The following FCHSD2 variants were observed in gnomAD, a reference collection of about 807,000 sequenced individuals.
The protein encoded by FCHSD2 is F-BAR and double SH3 domains protein 2.
A neutral mutation model predicts 108.1 loss-of-function variants in FCHSD2; 38 were observed. The observed-to-expected ratio is 0.35, with a 90% CI of 0.27 to 0.46. The LOEUF (loss-of-function observed/expected upper bound fraction) is 0.46. Ranked by LOEUF, FCHSD2 falls within the 20% of genes least tolerant of loss-of-function variation. FCHSD2 has a pLI of 1.00. For missense variants in FCHSD2, 751 were observed against 897.8 expected, an observed-to-expected ratio of 0.84 and a Z score of 2.09; for synonymous variants, 279 against 314.7, an observed-to-expected ratio of 0.89 and a Z score of 1.20.
chr11:72,884,178 TC>T (rs1369600630), intron 12 of FCHSD2, among the ~76,000 whole-genome samples: 1 of 152,106 alleles, frequency 6.6e-6, no homozygotes, highest in African/African-American at 2.4e-5. Flanking sequence ...ACGAACTATT[TC>T]TGCCTAAAAC....
intron 2 of FCHSD2, among the ~76,000 whole-genome samples, chr11:73,096,987 A>ATTTTTTTTTTTTTTTT (rs60223064): frequency 0.013 from 354 of 27,044 alleles, 136 homozygotes; most frequent in Middle Eastern, 0.045. Flanking sequence ...TCATTGATGG[A>ATTTTTTTTTTTTTTTT]TTTTTTTTTT....
At chr11:73,007,167 G>A (rs1565365282) in intron 4 of FCHSD2, among the ~76,000 whole-genome samples, 1 of 151,968 alleles carries the variant, frequency 6.6e-6, no homozygotes, top group Non-Finnish European at 1.5e-5. Context: ...TATTCTAACT[G>A]AAAAATACTT....
chr11:73,132,314 T>G lies in FCHSD2; in HGVS notation c.119+7717A>C, dbSNP rs114215734. On this transcript the variant is annotated intron_variant, in intron 2 of 19. Coordinates refer to ENST00000409418, the MANE Select transcript of FCHSD2 (RefSeq NM_014824.3). ...ACCAATGCTAAATACCTACCATTCT[T>G]GGCATTTCACCTGTCTCATTTTACT... 3.6e-3 allele frequency among the ~76,000 whole-genome samples: 548 copies of G among 152,352 alleles called. 2 individuals are homozygous for G. Among genetic ancestry groups the G allele is most frequent in the African/African-American group, 0.013 (520 of 41,586 alleles).
At chr11:72,958,707 T>C (rs907931605) in intron 8 of FCHSD2, among the ~76,000 whole-genome samples, 8 of 152,148 alleles carry the variant, frequency 5.3e-5, no homozygotes, top group African/African-American at 1.9e-4. Flanking sequence ...AGGTCTCTTA[T>C]CTCCTTCCCA....
intron 10 of FCHSD2, among the ~76,000 whole-genome samples, chr11:72,890,307 T>C (rs1252053298): frequency 3.3e-5 from 5 of 152,178 alleles, no homozygotes; most frequent in South Asian, 2.1e-4. Context: ...GATAAAATCA[T>C]TGCATAAATA....
intron 12 of FCHSD2, among the ~76,000 whole-genome samples, chr11:72,880,899 CAACA>C (rs1252773918): frequency 1.3e-5 from 2 of 148,772 alleles, no homozygotes; most frequent in Non-Finnish European, 3.0e-5. Flanking sequence ...ACAACAACAA[CAACA>C]AACAAACACC....
Position 72,842,639 on chromosome 11 carries a change from T to C in FCHSD2, c.1908A>G (p.Pro636=), listed in dbSNP as rs775282196. 5 of 1,613,926 alleles carry C rather than the reference T, an allele frequency of 3.1e-6. No homozygotes were observed. The highest frequency in any genetic ancestry group is 3.4e-6 in the Non-Finnish European group (4 of 1,179,912). ...ELSASENGDT[P]WMREIQISPS... is the part of the protein sequence containing the mutation. ...CAGGTACCTGAATCTCTCTCATCCA[T>C]GGAGTGTCACCATTTTCTGAGGCTG... Residue 636 remains proline, a synonymous_variant, in exon 17 of 20, where the codon CCA becomes CCG. Transcript: ENST00000409418.
At chr11:73,000,906 A>C in intron 5 of FCHSD2, 84 bp downstream of exon 5, 1 of 1,229,934 alleles carries the variant, frequency 8.1e-7, no homozygotes, top group Non-Finnish European at 1.1e-6. Context: ...TATAGTTTTA[A>C]ATAAAATTTA....
intron 9 of FCHSD2, among the ~76,000 whole-genome samples, chr11:72,913,005 G>T (rs916174111): frequency 6.6e-6 from 1 of 152,152 alleles, no homozygotes; most frequent in Admixed American, 6.5e-5. Context: ...ATGGCAGAAG[G>T]CAAAGGGGAA....
At chr11:73,131,596 C>T (rs944442211) in intron 2 of FCHSD2, among the ~76,000 whole-genome samples, 3 of 151,566 alleles carry the variant, frequency 2.0e-5, no homozygotes, top group South Asian at 4.2e-4. Context: ...CCCAGCTACT[C>T]GGGAGGCTGA....
intron 2 of FCHSD2, among the ~76,000 whole-genome samples, chr11:73,135,117 G>T (rs1467009275): frequency 6.6e-6 from 1 of 152,222 alleles, no homozygotes. Flanking sequence ...GCCTCCCAAA[G>T]TGCTGGGATC....
chr11:73,031,803 C>T lies in FCHSD2; in HGVS notation c.166-15918G>A, dbSNP rs188697362. ...AACACAAATCAGGTAAGAGCTGGCA[C>T]AGCAGCCTTTTCGCCTGGAAAAGGC... On this transcript the variant is annotated intron_variant, in intron 3 of 19. Transcript: ENST00000409418. 1.3e-5 allele frequency among the ~76,000 whole-genome samples: 2 copies of T among 152,248 alleles called. 1 individual carries two copies. The highest frequency in any genetic ancestry group is 4.8e-5 in the African/African-American group (2 of 41,524).
At chr11:72,957,316 G>T (rs1856733129) in intron 8 of FCHSD2, among the ~76,000 whole-genome samples, 1 of 150,244 alleles carries the variant, frequency 6.7e-6, no homozygotes, top group South Asian at 2.1e-4. Context: ...AGTTTACTGA[G>T]AATGATGGTT....
At chr11:72,942,300 G>GA (rs1856435177) in intron 8 of FCHSD2, among the ~76,000 whole-genome samples, 1 of 152,166 alleles carries the variant, frequency 6.6e-6, no homozygotes, top group Admixed American at 6.5e-5. Context: ...TAAGTTTCCT[G>GA]AGGCCTCACC....
At chr11:72,993,616 G>A (rs1400076735) in intron 5 of FCHSD2, among the ~76,000 whole-genome samples, 8 of 152,142 alleles carry the variant, frequency 5.3e-5, no homozygotes, top group Non-Finnish European at 1.0e-4. Flanking sequence ...TAGGGACATG[G>A]ATGAAGCTGG....
At chr11:73,001,347 T>C (rs570502752) in intron 4 of FCHSD2, among the ~76,000 whole-genome samples, 1 of 152,320 alleles carries the variant, frequency 6.6e-6, no homozygotes, top group South Asian at 2.1e-4. Flanking sequence ...TTCTGATTCA[T>C]TAGTTATTCT....
At chr11:72,951,282 G>C (rs1458054558) in intron 8 of FCHSD2, among the ~76,000 whole-genome samples, 1 of 152,146 alleles carries the variant, frequency 6.6e-6, no homozygotes, top group Non-Finnish European at 1.5e-5. Context: ...AACTAATATA[G>C]GTGGCATCTG....
At chr11:72,881,424 T>TA (rs1855084194) in intron 12 of FCHSD2, among the ~76,000 whole-genome samples, 1 of 152,236 alleles carries the variant, frequency 6.6e-6, no homozygotes, top group African/African-American at 2.4e-5. Flanking sequence ...AGGGAACTGT[T>TA]ATACACTGTT....
chr11:72,980,919 C>T (rs1173913316), intron 8 of FCHSD2, among the ~76,000 whole-genome samples: 1 of 151,866 alleles, frequency 6.6e-6, no homozygotes, highest in East Asian at 1.9e-4. Flanking sequence ...AATCAAATAC[C>T]CTGCTTTTAA....
Sources: allele counts gnomAD v4.1 joint callset (sites outside exome capture counted in the v4.1 genomes callset), GRCh38; gene constraint gnomAD v4.1.1; transcripts MANE v1.5; gene names NCBI Gene and HGNC (gene_info 2026-07-23, HGNC 2026-07-21).